Variants in EIF6 observed in about 807,000 individuals in gnomAD.
The protein encoded by EIF6 is B4 integrin interactor.
In EIF6, 10 loss-of-function variants were observed where a neutral mutation model predicts 25.5. That is an observed-to-expected ratio of 0.39 (90% CI 0.24 to 0.66). EIF6 has a LOEUF of 0.66. Among genes scored for constraint, EIF6 ranks in the 30% least tolerant of loss-of-function variants. The pLI is 0.45. For missense variants in EIF6, 246 were observed against 315.4 expected, an observed-to-expected ratio of 0.78 and a Z score of 1.67; for synonymous variants, 122 against 122.6, an observed-to-expected ratio of 1.00 and a Z score of 0.03.
rs770733564 is a variant in EIF6 at position 35,280,113 on chromosome 20, T to C, written c.375A>G (p.Thr125=). 2.1e-5 allele frequency: 34 copies of C among 1,613,912 alleles called. No individual in the cohort carries two copies. Among genetic ancestry groups the C allele is most frequent in the Non-Finnish European group, 2.9e-5 (34 of 1,179,920 alleles). ...ALVHPDLDRE[T]EEILADVLKV... The stretch of plus-strand genomic sequence containing the variant: ...TGAGCACATCTGCCAGAATTTCTTC[T>C]GTCTCCTGTCAATCAAAGATATTGT... The change falls in exon 5 of 7, where the codon ACA becomes ACG. Residue 125 remains threonine, a synonymous_variant. Coordinates refer to ENST00000374450, the MANE Select transcript of EIF6 (RefSeq NM_002212.4).
chr20:35,284,705 G>T, intron 1 of EIF6, 21 bp downstream of exon 1: 1 of 598,858 alleles, frequency 1.7e-6, no homozygotes, highest in East Asian at 2.8e-5. Flanking sequence ...ACCCTCCCAG[G>T]TTCCCCTCAC....
chr20:35,279,319 AAGC>A, intron 6 of EIF6, 113 bp from the exon 7 acceptor site: 2 of 1,394,214 alleles, frequency 1.4e-6, no homozygotes, highest in Non-Finnish European at 1.0e-6. Flanking sequence ...CAAGCTGCTC[AAGC>A]AGCTACTGCT....
chr20:35,284,403 C>T lies in EIF6; in HGVS notation c.85G>A (p.Gly29Arg). The T allele has an allele frequency of 6.2e-7, 1 of 1,614,016 alleles. No homozygotes were observed. Among genetic ancestry groups the T allele is most frequent in the South Asian group, 1.1e-5 (1 of 91,084 alleles). ...LTNTYCLVAI[G>R]GSENFYSVFE... ...CACCTGTAGAAGTTCTCTGAGCCTC[C>T]GATCGCTACCAGACAGTAGGTGTTG... The change falls in exon 2 of 7, where the codon GGA becomes AGA. Residue 29 changes from glycine (G) to arginine (R), a missense_variant. Coordinates refer to ENST00000374450, the MANE Select transcript of EIF6 (RefSeq NM_002212.4).
At position 35,280,736 on chromosome 20, in the gene EIF6, C is replaced by T. The variant is rs745561530; in HGVS notation, c.287G>A (p.Arg96Gln). Residue 96 changes from arginine to glutamine, a missense_variant, in exon 4 of 7, where the codon CGG becomes CAG. Transcript: ENST00000374450. ...NSLPDTVQIR[R>Q]VEERLSALGN... ...CAAGGCTGAGAGCCGCTCCTCCACC[C>T]GCCTAATCTGCACTGTGTCTGGGAG... 21 of 1,614,046 alleles carry T rather than the reference C, an allele frequency of 1.3e-5. No homozygotes were observed. The highest frequency in any genetic ancestry group is 4.4e-5 in the South Asian group (4 of 91,026).
At chr20:35,281,118 C>T (rs1214563135) in intron 3 of EIF6, among the ~76,000 whole-genome samples, 1 of 152,164 alleles carries the variant, frequency 6.6e-6, no homozygotes, top group Admixed American at 6.5e-5. Flanking sequence ...TGTTGGCTCA[C>T]GCCTGTAATC....
At chr20:35,282,335 C>T (rs2060782447) in intron 3 of EIF6, among the ~76,000 whole-genome samples, 1 of 152,220 alleles carries the variant, frequency 6.6e-6, no homozygotes, top group South Asian at 2.1e-4. Context: ...CCCAAATGCA[C>T]TGTCGATGGA....
chr20:35,279,149 T>C lies in EIF6; in HGVS notation c.*48A>G. On this transcript the variant is annotated 3_prime_UTR_variant, in exon 7 of 7. Coordinates refer to ENST00000374450, the MANE Select transcript of EIF6 (RefSeq NM_002212.4). ...AGATTGGGCGGAATGTGGAGAAGGT[T>C]GGCCACAGTCCAGAGCCAGGAGCCC... 6.2e-7 allele frequency: 1 copy of C among 1,613,418 alleles called. No individual in the cohort carries two copies.
At chr20:35,284,589 G>C in intron 1 of EIF6, 97 bp from the exon 2 acceptor site, 2 of 1,385,038 alleles carry the variant, frequency 1.4e-6, no homozygotes, top group Admixed American at 4.4e-5. Context: ...CGCCCCTCTC[G>C]GCCTCCCGGC....
intron 3 of EIF6, among the ~76,000 whole-genome samples, chr20:35,281,974 CAT>C (rs2060779043): frequency 6.6e-6 from 1 of 151,276 alleles, no homozygotes; most frequent in Non-Finnish European, 1.5e-5. Context: ...ACTAAAAAAA[CAT>C]AGCAGCACTA....
chr20:35,281,768 G>A (rs905158485), intron 3 of EIF6, among the ~76,000 whole-genome samples: 2 of 151,948 alleles, frequency 1.3e-5, no homozygotes, highest in African/African-American at 4.8e-5. Flanking sequence ...ATTTTTACAA[G>A]TCATCAATTC....
intron 5 of EIF6, 91 bp from the exon 6 acceptor site, chr20:35,279,838 T>G: frequency 3.1e-6 from 5 of 1,589,718 alleles, no homozygotes; most frequent in Non-Finnish European, 4.3e-6. Context: ...CTCCCTGACC[T>G]GCAGCCCCAG....
chr20:35,281,202 C>G (rs561081088), intron 3 of EIF6, among the ~76,000 whole-genome samples: 1 of 151,916 alleles, frequency 6.6e-6, no homozygotes, highest in Non-Finnish European at 1.5e-5. Flanking sequence ...CTGGCTAACA[C>G]GGTGAAACCC....
intron 3 of EIF6, among the ~76,000 whole-genome samples, chr20:35,281,399 C>G (rs530691621): frequency 2.2e-4 from 33 of 147,400 alleles, no homozygotes; most frequent in African/African-American, 8.3e-4. Flanking sequence ...AAAAAAAAAA[C>G]AAAAAAACAA....
intron 4 of EIF6, 95 bp downstream of exon 4, chr20:35,280,559 G>A: frequency 6.9e-7 from 1 of 1,458,578 alleles, no homozygotes; most frequent in South Asian, 1.3e-5. Context: ...AAAACCACAG[G>A]AGAGACCCCT....
In EIF6 at chr20:35,284,747, C is replaced by T. The variant is rs941234610; in HGVS notation, c.-27G>A. ...TTACCAAGTAACCAGTAACAAGCTC[C>T]GCACGCGGCGACTGTACCTTGGACT... On this transcript the variant is annotated 5_prime_UTR_variant, in exon 1 of 7. Coordinates refer to ENST00000374450, the MANE Select transcript of EIF6 (RefSeq NM_002212.4). 26 of 530,420 alleles carry T rather than the reference C, an allele frequency of 4.9e-5. No individual in the cohort carries two copies. The African/African-American group carries it at 4.9e-4, about 10-fold the overall frequency. The allele number at this position is 530,420 out of a possible 1,614,324, so 32.9% of individuals were successfully genotyped here. A position where few individuals can be genotyped will look rare whatever the true frequency, so the allele number is the denominator to read the frequency against.
chr20:35,280,184 C>T (rs965016687), intron 4 of EIF6, 66 bp from the exon 5 acceptor site: 21 of 1,557,672 alleles, frequency 1.3e-5, no homozygotes, highest in Middle Eastern at 1.9e-4. Flanking sequence ...GTTCTCCATG[C>T]CCAGAAGCAT....
chr20:35,284,241 G>A lies in EIF6; in HGVS notation c.128C>T (p.Ser43Phe). 6.2e-7 allele frequency: 1 copy of A among 1,612,358 alleles called. No homozygotes were observed. Among genetic ancestry groups the A allele is most frequent in the Non-Finnish European group, 8.5e-7 (1 of 1,179,732 alleles). ...NFYSVFEGEL[S>F]DTIPVVHASI... is the part of the protein sequence containing the mutation. ...CGCGTGCACCACGGGGATGGTATCG[G>A]AGAGCTCGCCCTCGAACACACTGTA... is the stretch of plus-strand genomic sequence containing the variant. The change falls in exon 3 of 7, where the codon TCC becomes TTC. Residue 43 changes from serine to phenylalanine, a missense_variant. Ser to Phe is a radical substitution (Grantham distance 155). Coordinates refer to ENST00000374450, the MANE Select transcript of EIF6 (RefSeq NM_002212.4).
Position 35,280,065 on chromosome 20 carries a change from T to C in EIF6, c.423A>G (p.Thr141=). 6.2e-7 allele frequency: 1 copy of C among 1,614,246 alleles called. No homozygotes were observed. The highest frequency in any genetic ancestry group is 8.5e-7 in the Non-Finnish European group (1 of 1,180,052). Residue 141 remains threonine, a synonymous_variant, in exon 5 of 7, where the codon ACA becomes ACG. Transcript: ENST00000374450. ...TTCCTACTAGCACCTGGTCGGCCAC[T>C]GTCTGTCTGAAGACTTCCACCTTGA... ...DVLKVEVFRQ[T]VADQVLVGSY... is the part of the protein sequence containing the mutation.
rs2060757606 is a variant in EIF6 at position 35,279,861 on chromosome 20, G to A, written c.546+81C>T. On this transcript the variant is annotated intron_variant, in intron 5 of 6. Coordinates refer to ENST00000374450, the MANE Select transcript of EIF6 (RefSeq NM_002212.4). Reference sequence around the variant, plus strand: ...CCTGCAGCCCCAGTCCCAAACTGTGGCAGGTAATGACCCAGACTCCCAAAC... The same window carrying A: ...CCTGCAGCCCCAGTCCCAAACTGTGACAGGTAATGACCCAGACTCCCAAAC... The A allele has an allele frequency of 8.8e-6, 14 of 1,586,904 alleles. No individual in the cohort carries two copies. The South Asian group carries it at 1.3e-4, about 14-fold the overall frequency.
Sources: gnomAD v4.1 joint callset for allele counts (sites outside exome capture counted in the v4.1 genomes callset) on GRCh38, gnomAD v4.1.1 for gene constraint, MANE v1.5 for transcripts, NCBI Gene and HGNC (gene_info 2026-07-23, HGNC 2026-07-21) for gene names.